The following CSMD3 variants were observed in gnomAD, a reference collection of about 807,000 sequenced individuals.
CSMD3 encodes CUB and sushi domain-containing protein 3.
CSMD3 carries 177 observed loss-of-function variants against 435.2 expected under a neutral mutation model. The observed-to-expected ratio is 0.41, with a 90% confidence interval of 0.36 to 0.46. CSMD3 has a LOEUF of 0.46. CSMD3 is among the 20% of genes least tolerant of loss of function. The probability of loss-of-function intolerance (pLI) is 0.34; values close to 1 mark genes in which losing one functional copy is unlikely to be tolerated. For synonymous variants in CSMD3, 1,656 were observed against 1,520.5 expected (o/e 1.09, Z -2.07); for missense variants, 4,265 against 4,504.6 (o/e 0.95, Z 1.52).
At chr8:112,320,678 T>A (rs2130872288) in intron 45 of CSMD3, among the ~76,000 whole-genome samples, 1 of 141,846 alleles carries the variant, frequency 7.0e-6, no homozygotes, top group African/African-American at 2.6e-5. Context: ...GGGTGTGTGA[T>A]GTTCCCCTTC....
At chr8:113,343,200 T>C (rs2094131640) in intron 1 of CSMD3, among the ~76,000 whole-genome samples, 1 of 151,900 alleles carries the variant, frequency 6.6e-6, no homozygotes, top group Non-Finnish European at 1.5e-5. Flanking sequence ...TAAAGCTATT[T>C]AAGAGTTTTA....
chr8:113,286,314 A>C (rs1034673120), intron 2 of CSMD3, among the ~76,000 whole-genome samples: 3 of 152,182 alleles, frequency 2.0e-5, no homozygotes, highest in Admixed American at 1.3e-4. Flanking sequence ...ACTAGTCACA[A>C]GGAGAATTAA....
Position 112,517,138 on chromosome 8 carries a change from A to G in CSMD3, c.4652T>C (p.Val1551Ala), listed in dbSNP as rs750880019. Residue 1551 changes from valine (V) to alanine (A), a missense_variant, in exon 28 of 71, where the codon GTT (valine) becomes GCT (alanine). Val to Ala is a moderately conservative substitution (Grantham distance 64). Coordinates refer to ENST00000297405, the MANE Select transcript of CSMD3 (RefSeq NM_198123.2). ...GDGREPGDTV[V>A]FQCDPGYELQ... ...TTCATATCCTGGGTCACATTGAAAAACAACAGTGTCCCCAGGTTCTCTTCC... is the reference window on the plus strand; with the variant it reads ...TTCATATCCTGGGTCACATTGAAAAGCAACAGTGTCCCCAGGTTCTCTTCC... 10 of 1,613,654 alleles carry G rather than the reference A, an allele frequency of 6.2e-6. No homozygotes were observed. The highest frequency in any genetic ancestry group is 1.1e-5 in the South Asian group (1 of 91,082).
chr8:112,975,533 G>A (rs1421568878), intron 7 of CSMD3, among the ~76,000 whole-genome samples: 1 of 152,004 alleles, frequency 6.6e-6, no homozygotes, highest in Non-Finnish European at 1.5e-5. Flanking sequence ...AACTGGTATG[G>A]AATAAATAAT....
chr8:112,951,252 G>C (rs1437473704), intron 8 of CSMD3, among the ~76,000 whole-genome samples: 2 of 151,714 alleles, frequency 1.3e-5, no homozygotes, highest in Non-Finnish European at 3.0e-5. Flanking sequence ...GATGCAATTG[G>C]ACAGATTTAT....
chr8:112,520,706 C>T (rs1037711905), intron 27 of CSMD3, among the ~76,000 whole-genome samples: 1 of 151,932 alleles, frequency 6.6e-6, no homozygotes, highest in African/African-American at 2.4e-5. Flanking sequence ...AAAATTTATT[C>T]ATATACATAT....
At chr8:112,293,077 G>C (rs1054778918) in intron 54 of CSMD3, among the ~76,000 whole-genome samples, 3 of 151,926 alleles carry the variant, frequency 2.0e-5, no homozygotes, top group Non-Finnish European at 2.9e-5. Flanking sequence ...TAAAGTTCAT[G>C]TCCATACCTA....
chr8:113,407,296 G>C (rs928426031), intron 1 of CSMD3, among the ~76,000 whole-genome samples: 1 of 152,094 alleles, frequency 6.6e-6, no homozygotes, highest in Non-Finnish European at 1.5e-5. Flanking sequence ...AGTTTTCAAA[G>C]ACTGGCAAGT....
intron 4 of CSMD3, among the ~76,000 whole-genome samples, chr8:113,105,915 T>C (rs2090461853): frequency 6.6e-6 from 1 of 151,734 alleles, no homozygotes; most frequent in South Asian, 2.1e-4. Context: ...TCAATAAACA[T>C]AAAGATGTGA....
chr8:112,324,157 C>A (rs1823275609), intron 45 of CSMD3, among the ~76,000 whole-genome samples: 1 of 152,014 alleles, frequency 6.6e-6, no homozygotes, highest in Non-Finnish European at 1.5e-5. Context: ...ATCAGTCTCT[C>A]ACACAAGATG....
At chr8:113,072,370 C>A (rs1411772846) in intron 5 of CSMD3, among the ~76,000 whole-genome samples, 2 of 151,646 alleles carry the variant, frequency 1.3e-5, no homozygotes, top group African/African-American at 2.4e-5. Flanking sequence ...TGTATAAGAT[C>A]TTAGAGGAAA....
chr8:113,431,153 C>T (rs1180109185), intron 1 of CSMD3, among the ~76,000 whole-genome samples: 1 of 152,184 alleles, frequency 6.6e-6, no homozygotes, highest in Non-Finnish European at 1.5e-5. Context: ...AATCACCCAC[C>T]TGCTCACTCT....
intron 32 of CSMD3, among the ~76,000 whole-genome samples, chr8:112,436,459 C>T (rs1814362528): frequency 6.6e-6 from 1 of 151,674 alleles, no homozygotes; most frequent in Admixed American, 6.6e-5. Context: ...AATCATAAAA[C>T]AGAAAAATAT....
chr8:112,432,060 A>G (rs982102338), intron 32 of CSMD3, among the ~76,000 whole-genome samples: 3 of 151,924 alleles, frequency 2.0e-5, no homozygotes, highest in African/African-American at 4.8e-5. Flanking sequence ...ACATTACACA[A>G]TCCCACTGAA....
At chr8:112,539,418 T>C (rs1231994595) in intron 27 of CSMD3, 22 of 152,120 alleles carry the variant, frequency 1.4e-4, no homozygotes, top group Admixed American at 1.4e-3. Context: ...TTAAAAATTC[T>C]AAAATTCCTA....
At chr8:113,018,575 T>C (rs896817207) in intron 6 of CSMD3, among the ~76,000 whole-genome samples, 1 of 151,780 alleles carries the variant, frequency 6.6e-6, no homozygotes, top group Non-Finnish European at 1.5e-5. Context: ...TTCCAAAGAG[T>C]TTTTCAAGTT....
chr8:112,522,863 T>A (rs758877363), intron 27 of CSMD3, among the ~76,000 whole-genome samples: 18 of 151,940 alleles, frequency 1.2e-4, no homozygotes, highest in Non-Finnish European at 1.9e-4. Flanking sequence ...GGAGTATAAT[T>A]TCACTGGAAA....
intron 13 of CSMD3, among the ~76,000 whole-genome samples, chr8:112,748,132 G>T (rs915703422): frequency 5.9e-5 from 9 of 152,128 alleles, no homozygotes; most frequent in African/African-American, 2.2e-4. Flanking sequence ...TTTGCTCAGT[G>T]AAAAGAGAAA....
chr8:113,169,664 T>A (rs1390353702), intron 4 of CSMD3, among the ~76,000 whole-genome samples: 1 of 152,228 alleles, frequency 6.6e-6, no homozygotes, highest in Non-Finnish European at 1.5e-5. Context: ...TACATACAAT[T>A]CTATTAGTTT....
Sources: allele counts gnomAD v4.1 joint callset (sites outside exome capture counted in the v4.1 genomes callset), GRCh38; gene constraint gnomAD v4.1.1; transcripts MANE v1.5; gene names NCBI Gene and HGNC (gene_info 2026-07-23, HGNC 2026-07-21).